Variants in LETM1 observed in about 807,000 individuals in gnomAD.
LETM1 encodes leucine zipper and EF-hand containing transmembrane protein 1.
Under a neutral mutation model 74.5 loss-of-function variants are expected in LETM1, and 50 were observed. The ratio of observed to expected loss-of-function variants is 0.67; its 90% CI spans 0.53 to 0.85. The LOEUF is 0.85. LETM1 is among the 40% of genes least tolerant of loss of function. LETM1 has a pLI of 0.00. For synonymous variants in LETM1, 446 were observed against 407.1 expected (o/e 1.10, Z -1.15); for missense variants, 824 against 967.8 (o/e 0.85, Z 1.97).
chr4:1,816,660 C>T (rs1021215336), intron 12 of LETM1, 67 bp downstream of exon 12: 1 of 1,495,040 alleles, frequency 6.7e-7, no homozygotes, highest in Non-Finnish European at 9.1e-7. Context: ...CAGCTCGGAT[C>T]CAGCAAAGGG....
At chr4:1,835,226 C>T (rs948606155) in intron 4 of LETM1, among the ~76,000 whole-genome samples, 4 of 152,160 alleles carry the variant, frequency 2.6e-5, no homozygotes, top group Non-Finnish European at 4.4e-5. Flanking sequence ...GGGTGGATCA[C>T]CTGAGGTCAG....
intron 2 of LETM1, among the ~76,000 whole-genome samples, chr4:1,845,793 C>T (rs1413903086): frequency 4.0e-5 from 6 of 151,784 alleles, no homozygotes; most frequent in African/African-American, 9.7e-5. Flanking sequence ...GTGATCTGCC[C>T]GCCTCGGATT....
intron 1 of LETM1, among the ~76,000 whole-genome samples, chr4:1,853,740 G>A (rs1423528402): frequency 6.6e-6 from 1 of 152,198 alleles, no homozygotes; most frequent in African/African-American, 2.4e-5. Context: ...TTCATTAACT[G>A]TGACAACGAA....
chr4:1,838,787 A>G (rs941777428), intron 3 of LETM1, among the ~76,000 whole-genome samples: 2 of 152,268 alleles, frequency 1.3e-5, no homozygotes, highest in East Asian at 3.9e-4. Flanking sequence ...CAGACAGGAG[A>G]TGAGGCTGCA....
At position 1,841,629 on chromosome 4, in the gene LETM1, A is replaced by G; in HGVS notation, c.312T>C (p.Pro104=). ...GGCGCGAAGAGTGCCAGCCACGCAC[A>G]GGAAGGCACTGAGGTCCCACAGCCA... ...GFVAVGPQCL[P]VRGWHSSRPV... is the part of the protein sequence containing the mutation. The change falls in exon 3 of 14, where the codon CCT becomes CCC. Residue 104 remains proline (P), a synonymous_variant. Coordinates refer to ENST00000302787, the MANE Select transcript of LETM1 (RefSeq NM_012318.3). The G allele has an allele frequency of 6.2e-7, 1 of 1,614,226 alleles. No individual in the cohort carries two copies. The highest frequency in any genetic ancestry group is 8.5e-7 in the Non-Finnish European group (1 of 1,180,034).
intron 12 of LETM1, 62 bp downstream of exon 12, chr4:1,816,665 A>T (rs967325824): frequency 6.6e-7 from 1 of 1,523,718 alleles, no homozygotes; most frequent in Non-Finnish European, 9.0e-7. Context: ...CGGATCCAGC[A>T]AAGGGACCAG....
intron 3 of LETM1, among the ~76,000 whole-genome samples, chr4:1,840,605 C>T (rs1361698001): frequency 2.0e-5 from 3 of 150,156 alleles, no homozygotes; most frequent in Non-Finnish European, 3.0e-5. Flanking sequence ...GGGGCGGAGC[C>T]TGCAGCGAGC....
At chr4:1,838,545 C>T (rs990706150) in intron 3 of LETM1, among the ~76,000 whole-genome samples, 2 of 152,108 alleles carry the variant, frequency 1.3e-5, no homozygotes, top group Non-Finnish European at 1.5e-5. Context: ...GGCATGACAG[C>T]GTGCGTCTGT....
intron 3 of LETM1, among the ~76,000 whole-genome samples, chr4:1,840,093 G>A (rs1712634248): frequency 6.6e-6 from 1 of 152,214 alleles, no homozygotes; most frequent in Admixed American, 6.5e-5. Context: ...AAAACAAAGA[G>A]GGGGCCAGGC....
chr4:1,828,596 G>A (rs1410719688), intron 6 of LETM1, among the ~76,000 whole-genome samples: 2 of 118,434 alleles, frequency 1.7e-5, no homozygotes, highest in Non-Finnish European at 3.4e-5. Flanking sequence ...GCGGCTGGCC[G>A]GGCAGAGGGG....
intron 2 of LETM1, among the ~76,000 whole-genome samples, chr4:1,846,205 A>G (rs1249365043): frequency 6.6e-6 from 1 of 152,128 alleles, no homozygotes; most frequent in Non-Finnish European, 1.5e-5. Flanking sequence ...ACAGCTGTAC[A>G]GTCCTCATTG....
At chr4:1,815,582 GACAT>G in intron 13 of LETM1, 78 bp downstream of exon 13, 1 of 1,510,984 alleles carries the variant, frequency 6.6e-7, no homozygotes, top group Non-Finnish European at 9.0e-7. Flanking sequence ...GAGGGTGCCG[GACAT>G]GCAATGAACA....
At chr4:1,852,269 C>T (rs1343198898) in intron 1 of LETM1, among the ~76,000 whole-genome samples, 2 of 152,238 alleles carry the variant, frequency 1.3e-5, no homozygotes, top group African/African-American at 4.8e-5. Context: ...CAGATGTCAG[C>T]AATGGGCTCT....
At chr4:1,822,696 A>G (rs1711826471) in intron 9 of LETM1, 1 of 359,284 alleles carries the variant, frequency 2.8e-6, no homozygotes, top group Admixed American at 4.7e-5. Context: ...CGCCCCTCAC[A>G]GCAAGTCCCT....
At chr4:1,823,381 C>T (rs75710464) in intron 8 of LETM1, among the ~76,000 whole-genome samples, 3,364 of 152,256 alleles carry the variant, frequency 0.022, 122 homozygotes, top group African/African-American at 0.078. Flanking sequence ...CCAAGGGCCG[C>T]GGCCCAGATC....
At chr4:1,822,020 CT>C (rs1289922684) in intron 10 of LETM1, among the ~76,000 whole-genome samples, 160 bp downstream of exon 10, 3 of 152,246 alleles carry the variant, frequency 2.0e-5, no homozygotes, top group Middle Eastern at 6.8e-3. Flanking sequence ...ACCAAGCCTC[CT>C]AGGGGCCCAG....
In LETM1 at chr4:1,836,523, A is replaced by C. The variant is rs756631437; in HGVS notation, c.644T>G (p.Phe215Cys). ...DLFRLVPFLV[F>C]VVVPFMEFLL... Reference sequence around the variant, plus strand: ...AAACTCCATGAACGGCACCACCACGAACACAAGGAACGGCACCAGGCGGAA... The same window carrying C: ...AAACTCCATGAACGGCACCACCACGCACACAAGGAACGGCACCAGGCGGAA... The change falls in exon 4 of 14, where the codon TTC (phenylalanine) becomes TGC (cysteine). Residue 215 changes from phenylalanine (F) to cysteine (C), a missense_variant. By Grantham distance (205) the Phe-to-Cys change is radical. Around this residue, in one of 4 missense-constraint regions of LETM1, gnomAD observed 269 missense variants for 348.8 expected, o/e 0.77. Transcript: ENST00000302787. The surrounding 1 kb of genome is among the most constrained non-coding windows in gnomAD (Gnocchi z 5.8). 6.2e-7 allele frequency: 1 copy of C among 1,614,010 alleles called. No individual in the cohort carries two copies. The highest frequency in any genetic ancestry group is 8.5e-7 in the Non-Finnish European group (1 of 1,180,000).
rs1481163529 is a variant in LETM1, at chr4:1,828,232, GC to G, written c.1081-2550del. Among the ~76,000 whole-genome samples, 29 of 33,024 alleles carry G rather than the reference GC, an allele frequency of 8.8e-4. 1 individual carries two copies. Among genetic ancestry groups the G allele is most frequent in the Admixed American group, 5.7e-3 (16 of 2,814 alleles). 21.7% of individuals were successfully genotyped at this position (33,024 alleles called of 152,430 possible). A position where few individuals can be genotyped will look rare whatever the true frequency, so the allele number is the denominator to read the frequency against. ...GCTGGCCGGGCGGGGGGGGCTGACCGCCCCCCACCTCCCTCCCGGACGGGGC... is the reference window on the plus strand; with the variant it reads ...GCTGGCCGGGCGGGGGGGGCTGACCGCCCCCACCTCCCTCCCGGACGGGGC... On this transcript the variant is annotated intron_variant, in intron 6 of 13. Transcript: ENST00000302787.
At position 1,823,770 on chromosome 4, in the gene LETM1, C is replaced by G; in HGVS notation, c.1206G>C (p.Leu402=). ...GGATCTCCTGATGCAGGTGCAGGTC[C>G]AGCCACTGCAACCAAGGCCAGGTTC... ...DRLRGQLKQW[L]DLHLHQEIPT... is the part of the protein sequence containing the mutation. The change falls in exon 8 of 14, where the codon CTG becomes CTC. Residue 402 remains leucine (L), a synonymous_variant. Transcript: ENST00000302787. The G allele has an allele frequency of 6.2e-7, 1 of 1,608,828 alleles. No individual in the cohort carries two copies. Among genetic ancestry groups the G allele is most frequent in the Non-Finnish European group, 8.5e-7 (1 of 1,176,930 alleles).
Sources: gnomAD v4.1 joint callset for allele counts (sites outside exome capture counted in the v4.1 genomes callset) on GRCh38, gnomAD v4.1.1 for gene constraint, gnomAD v4.1.1 regional missense constraint, Gnocchi (gnomAD v3.1) non-coding constraint, MANE v1.5 for transcripts, NCBI Gene and HGNC (gene_info 2026-07-23, HGNC 2026-07-21) for gene names.